Variants in DOP1A observed in about 807,000 individuals in gnomAD.
The protein encoded by DOP1A is DOP1 leucine zipper like protein A.
In DOP1A, 90 loss-of-function variants were observed where a neutral mutation model predicts 267.6. That is an observed-to-expected ratio of 0.34 (90% CI 0.28 to 0.40). The LOEUF (loss-of-function observed/expected upper bound fraction) is 0.40, where lower values mean the gene tolerates loss of function less well. Ranked by LOEUF, DOP1A falls within the 10% of genes least tolerant of loss-of-function variation. The probability of loss-of-function intolerance (pLI) is 1.00; values close to 1 mark genes in which losing one functional copy is unlikely to be tolerated. For synonymous variants in DOP1A, 932 were observed against 999.1 expected (o/e 0.93, Z 1.27); for missense variants, 2,437 against 2,900.4 (o/e 0.84, Z 3.67).
At chr6:83,104,830 G>A (rs1173383411) in intron 4 of DOP1A, among the ~76,000 whole-genome samples, 2 of 151,900 alleles carry the variant, frequency 1.3e-5, no homozygotes, top group African/African-American at 4.8e-5. Context: ...GGTGACTCAA[G>A]CCATCCTTTT....
Position 83,129,025 on chromosome 6 carries a change from C to A in DOP1A, c.1858C>A (p.Leu620Met), listed in dbSNP as rs746569836. ...CCGAACTGATGATATTGACAGAGAACTGAGTGAGGGCCAGGGGGCAGCTGC... is the reference window on the plus strand; with the variant it reads ...CCGAACTGATGATATTGACAGAGAAATGAGTGAGGGCCAGGGGGCAGCTGC... ...ADRTDDIDRE[L>M]SEGQGAAAIP... Residue 620 changes from leucine (L) to methionine (M), a missense_variant, in exon 16 of 39, where the codon CTG (leucine) becomes ATG (methionine). By Grantham distance (15) the Leu-to-Met change is conservative (BLOSUM62 2). This residue lies in a region of DOP1A where 498 missense variants were observed against 513.5 expected (regional missense o/e 0.97). Coordinates refer to ENST00000349129, the MANE Select transcript of DOP1A (RefSeq NM_015018.4). The A allele has an allele frequency of 6.2e-7, 1 of 1,613,792 alleles. No individual in the cohort carries two copies. The highest frequency in any genetic ancestry group is 1.7e-5 in the Admixed American group (1 of 59,966).
At chr6:83,146,139 A>G (rs1780607891) in intron 25 of DOP1A, among the ~76,000 whole-genome samples, 1 of 152,226 alleles carries the variant, frequency 6.6e-6, no homozygotes, top group African/African-American at 2.4e-5. Context: ...GTGCTACACT[A>G]TGAATGACAT....
downstream of DOP1A, chr6:83,169,398 G>A: frequency 7.2e-6 from 11 of 1,537,988 alleles, no homozygotes; most frequent in Non-Finnish European, 9.7e-6. Context: ...CATGTTACTT[G>A]GAACTCTGGG....
At chr6:83,091,028 G>C (rs150854470) in intron 1 of DOP1A, among the ~76,000 whole-genome samples, 80 of 152,034 alleles carry the variant, frequency 5.3e-4, no homozygotes, top group African/African-American at 1.9e-3. Flanking sequence ...CCATATGGCT[G>C]GGGAAGCCTC....
chr6:83,104,051 A>G (rs1361658390), intron 4 of DOP1A, among the ~76,000 whole-genome samples: 1 of 152,178 alleles, frequency 6.6e-6, no homozygotes, highest in Non-Finnish European at 1.5e-5. Context: ...TGATTTATCA[A>G]CCTTTTATTA....
At chr6:83,134,666 GATTTATTA>G (rs1778606172) in intron 19 of DOP1A, among the ~76,000 whole-genome samples, 5 of 152,206 alleles carry the variant, frequency 3.3e-5, no homozygotes, top group African/African-American at 1.2e-4. Context: ...GCCTAAACTA[GATTTATTA>G]AAATCTATAG....
intron 23 of DOP1A, 121 bp downstream of exon 23, chr6:83,140,524 T>A: frequency 3.1e-5 from 26 of 830,862 alleles, no homozygotes; most frequent in Non-Finnish European, 4.4e-5. Flanking sequence ...TATCAAATAA[T>A]TTTTAACAGT....
intron 21 of DOP1A, among the ~76,000 whole-genome samples, chr6:83,139,536 C>CT (rs1219919149): frequency 2.0e-5 from 3 of 152,076 alleles, no homozygotes; most frequent in Non-Finnish European, 4.4e-5. Flanking sequence ...ATTTACAAAT[C>CT]TTTTCCATCC....
chr6:83,081,752 A>G (rs920430984), intron 1 of DOP1A, among the ~76,000 whole-genome samples: 6 of 152,216 alleles, frequency 3.9e-5, no homozygotes, highest in African/African-American at 7.2e-5. Flanking sequence ...TAAAGAGACA[A>G]CCTACTTACA....
rs1886825 is a variant in DOP1A at position 83,131,073 on chromosome 6, T to C, written c.2616+676T>C. On this transcript the variant is annotated intron_variant, in intron 17 of 38. Transcript: ENST00000349129. ...AAACCTCAGCACTCCAAAACTCTCA[T>C]GAAAACTTTTTCTGACTCTTCATAT... Among the ~76,000 whole-genome samples, 1,347 of 152,266 alleles carry C rather than the reference T, an allele frequency of 8.8e-3. 18 individuals are homozygous for C. Among genetic ancestry groups the C allele is most frequent in the African/African-American group, 0.031 (1,279 of 41,568 alleles).
chr6:83,162,662 A>C, intron 37 of DOP1A, 128 bp from the exon 38 acceptor site: 1 of 1,028,222 alleles, frequency 9.7e-7, no homozygotes, highest in Non-Finnish European at 1.4e-6. Flanking sequence ...CAAGGCTACG[A>C]GTGGCACATC....
At position 83,129,360 on chromosome 6, in the gene DOP1A, G is replaced by C. The variant is rs538752559; in HGVS notation, c.2193G>C (p.Glu731Asp). Residue 731 changes from glutamate to aspartate, a missense_variant, in exon 16 of 39, where the codon GAG becomes GAC. Coordinates refer to ENST00000349129, the MANE Select transcript of DOP1A (RefSeq NM_015018.4). ...GAAATTCACAAGGAGATGTAAAAGA[G>C]AAAAACATAAGTAAACAAAAAACTT... ...WDRNSQGDVK[E>D]KNISKQKTSK... 6.2e-7 allele frequency: 1 copy of C among 1,610,570 alleles called. No individual in the cohort carries two copies. Among genetic ancestry groups the C allele is most frequent in the East Asian group, 2.2e-5 (1 of 44,836 alleles).
chr6:83,085,610 T>A (rs1313973303), intron 1 of DOP1A, among the ~76,000 whole-genome samples: 1 of 152,006 alleles, frequency 6.6e-6, no homozygotes, highest in South Asian at 2.1e-4. Context: ...TGTATTTGAG[T>A]TTGGATATTA....
Position 83,138,166 on chromosome 6 carries a change from T to A in DOP1A, c.4124T>A (p.Leu1375Ter). Residue 1375 changes from leucine to a stop codon, truncating the protein, a stop_gained, in exon 21 of 39, where the codon TTG (leucine) becomes TAG (stop). Transcript: ENST00000349129. LOFTEE classifies it high-confidence loss of function. Reference protein sequence around the residue: ...LYQHVLLYLQLYDSSRTLYAF... With the variant: ...LYQHVLLYLQ ...CAACATGTGCTCCTGTATCTCCAGT[T>A]GTATGATTCATCCAGGACTTTGTAT... is the stretch of plus-strand genomic sequence containing the variant. The A allele has an allele frequency of 6.2e-7, 1 of 1,613,956 alleles. No homozygotes were observed. Among genetic ancestry groups the A allele is most frequent in the Non-Finnish European group, 8.5e-7 (1 of 1,179,906 alleles).
chr6:83,168,094 G>A lies in DOP1A; in HGVS notation c.7325G>A (p.Cys2442Tyr). 1 of 1,614,184 alleles carries A rather than the reference G, an allele frequency of 6.2e-7. No homozygotes were observed. The highest frequency in any genetic ancestry group is 1.1e-5 in the South Asian group (1 of 91,074). The change falls in exon 39 of 39, where the codon TGT becomes TAT. Residue 2442 changes from cysteine to tyrosine, a missense_variant. Transcript: ENST00000349129. Reference protein sequence around the residue: ...KDMKLENHKPCSSKARQKIEE... With the variant: ...KDMKLENHKPYSSKARQKIEE... ...ATGAAACTGGAGAACCACAAACCAT[G>A]TTCCAGCAAAGCCAGGCAAAAAATA... is the stretch of plus-strand genomic sequence containing the variant.
intron 1 of DOP1A, among the ~76,000 whole-genome samples, chr6:83,074,064 G>A (rs753513684): frequency 2.0e-5 from 3 of 152,218 alleles, no homozygotes; most frequent in Non-Finnish European, 4.4e-5. Context: ...TTAGAAGCCA[G>A]TATGTGAATA....
chr6:83,082,750 T>A (rs1768347427), intron 1 of DOP1A, among the ~76,000 whole-genome samples: 1 of 152,154 alleles, frequency 6.6e-6, no homozygotes, highest in African/African-American at 2.4e-5. Context: ...CATTATATTG[T>A]ACATAATACA....
At chr6:83,097,728 A>AT (rs888441148) in intron 3 of DOP1A, among the ~76,000 whole-genome samples, 13 of 151,226 alleles carry the variant, frequency 8.6e-5, no homozygotes, top group Non-Finnish European at 1.3e-4. Context: ...TTAAACATCA[A>AT]TTTTTTTTAC....
intron 33 of DOP1A, 42 bp downstream of exon 33, chr6:83,154,283 T>C (rs1782291303): frequency 6.4e-7 from 1 of 1,552,088 alleles, no homozygotes; most frequent in African/African-American, 1.4e-5. Flanking sequence ...TTCCTGTACA[T>C]GGTTCCTTCT....
Sources: allele counts gnomAD v4.1 joint callset (sites outside exome capture counted in the v4.1 genomes callset), GRCh38; gene constraint gnomAD v4.1.1; regional missense constraint gnomAD v4.1.1; transcripts MANE v1.5; gene names NCBI Gene and HGNC (gene_info 2026-07-23, HGNC 2026-07-21).